Variants in DNAH17 observed in about 807,000 individuals in gnomAD.
The protein encoded by DNAH17 is axonemal beta dynein heavy chain 17.
Under a neutral mutation model 485.6 loss-of-function variants are expected in DNAH17, and 376 were observed. That is an observed-to-expected ratio of 0.77 (90% CI 0.71 to 0.84). The LOEUF (loss-of-function observed/expected upper bound fraction) is 0.84, where lower values mean the gene tolerates loss of function less well. Among genes scored for constraint, DNAH17 ranks in the 40% least tolerant of loss-of-function variants. The pLI, the probability that DNAH17 is intolerant of heterozygous loss-of-function variation, is 0.00. For synonymous variants in DNAH17, 3,031 were observed against 2,405.9 expected (o/e 1.26, Z -7.60); for missense variants, 6,370 against 5,839.3 (o/e 1.09, Z -2.96).
chr17:78,518,108 A>C (rs2090837231), intron 25 of DNAH17, among the ~76,000 whole-genome samples: 1 of 152,196 alleles, frequency 6.6e-6, no homozygotes, highest in African/African-American at 2.4e-5. Flanking sequence ...GGGAACAAAC[A>C]GAAAACAAAA....
chr17:78,439,211 T>A lies in DNAH17; in HGVS notation c.11684A>T (p.Lys3895Ile). 1 of 1,601,958 alleles carries A rather than the reference T, an allele frequency of 6.2e-7. No homozygotes were observed. The highest frequency in any genetic ancestry group is 8.5e-7 in the Non-Finnish European group (1 of 1,176,018). The change falls in exon 73 of 81, where the codon AAA becomes ATA. Residue 3895 changes from lysine (K) to isoleucine (I), a missense_variant. Coordinates refer to ENST00000389840, the MANE Select transcript of DNAH17 (RefSeq NM_173628.4). ...TCCATTGTCTATGGTAAACCCTAGT[T>A]TTTTTCCTAAAGAAAAGAAAAACAG... ...PLKDVEALGK[K>I]LGFTIDNGKL...
intron 40 of DNAH17, among the ~76,000 whole-genome samples, 197 bp downstream of exon 40, chr17:78,494,396 T>G (rs1413702951): frequency 1.3e-5 from 2 of 151,690 alleles, no homozygotes; most frequent in Admixed American, 6.6e-5. Flanking sequence ...CCAGCCTCAG[T>G]TGAGAGAGTG....
chr17:78,488,065 G>A (rs979413653), intron 44 of DNAH17, among the ~76,000 whole-genome samples: 8 of 143,438 alleles, frequency 5.6e-5, no homozygotes, highest in African/African-American at 1.0e-4. Context: ...GCAAATCTAC[G>A]CAGAGGCTGC....
chr17:78,544,631 T>A (rs2091701916), intron 16 of DNAH17, among the ~76,000 whole-genome samples: 3 of 151,846 alleles, frequency 2.0e-5, no homozygotes, highest in Admixed American at 2.0e-4. Context: ...TGAAACCCTG[T>A]CTCTACTAAA....
rs2087060718 is a variant in DNAH17, at chr17:78,441,199, C to T, written c.11529G>A (p.Lys3843=). 6.2e-7 allele frequency: 1 copy of T among 1,613,612 alleles called. No individual in the cohort carries two copies. Among genetic ancestry groups the T allele is most frequent in the African/African-American group, 1.3e-5 (1 of 74,944 alleles). ...LRPDRMTYAI[K]NFVEEKMGSK... ...TGCCCATCTTTTCCTCCACGAAGTTCCTAGGGGTGGAGTGCATCAGAGGCA... is the reference window on the plus strand; with the variant it reads ...TGCCCATCTTTTCCTCCACGAAGTTTCTAGGGGTGGAGTGCATCAGAGGCA... Residue 3843 remains lysine, a splice_region_variant and synonymous_variant, in exon 72 of 81, where the codon AAG becomes AAA. Coordinates refer to ENST00000389840, the MANE Select transcript of DNAH17 (RefSeq NM_173628.4).
chr17:78,430,659 A>G (rs527316859), intron 75 of DNAH17, among the ~76,000 whole-genome samples: 13 of 151,434 alleles, frequency 8.6e-5, no homozygotes, highest in African/African-American at 2.9e-4. Flanking sequence ...CTGCTCACTG[A>G]AACTTCTGCC....
chr17:78,441,268 G>A, intron 71 of DNAH17, 69 bp from the exon 72 acceptor site: 6 of 1,572,626 alleles, frequency 3.8e-6, no homozygotes, highest in Non-Finnish European at 5.2e-6. Flanking sequence ...CTCGGGGTGG[G>A]CTGTGGCCCA....
intron 17 of DNAH17, among the ~76,000 whole-genome samples, chr17:78,543,597 G>A (rs1301226655): frequency 6.6e-6 from 1 of 152,018 alleles, no homozygotes; most frequent in South Asian, 2.1e-4. Context: ...GCCAATTTTT[G>A]TATTTTTAGT....
chr17:78,429,078 A>G, intron 76 of DNAH17, 43 bp downstream of exon 76: 3 of 1,583,214 alleles, frequency 1.9e-6, no homozygotes, highest in African/African-American at 1.3e-5. Flanking sequence ...GGGAGGCACG[A>G]GCCTTCATTA....
rs749045519 is a variant in DNAH17, at chr17:78,460,004, G to A, written c.9436-3C>T. The stretch of plus-strand genomic sequence containing the variant: ...GACTTCAGCTCTGTCAGGTTGTTCT[G>A]CAAATGACAGACGGGATGGGTCCGA... On this transcript the variant is annotated splice_polypyrimidine_tract_variant and splice_region_variant and intron_variant, in intron 59 of 80. Coordinates refer to ENST00000389840, the MANE Select transcript of DNAH17 (RefSeq NM_173628.4). 1.1e-5 allele frequency: 17 copies of A among 1,612,376 alleles called. No individual in the cohort carries two copies. The African/African-American group carries it at 2.0e-4, about 19-fold the overall frequency.
intron 44 of DNAH17, among the ~76,000 whole-genome samples, chr17:78,488,407 G>A (rs1187905625): frequency 1.3e-5 from 2 of 152,128 alleles, no homozygotes; most frequent in Non-Finnish European, 2.9e-5. Context: ...TCCTCCTCCT[G>A]CTTCCTCCAG....
chr17:78,540,563 A>G, intron 17 of DNAH17, among the ~76,000 whole-genome samples: 1 of 100,722 alleles, frequency 9.9e-6, no homozygotes, highest in Non-Finnish European at 2.0e-5. Context: ...GGCCGAGTGG[A>G]TGGATGGGTA....
rs776273069 is a variant in DNAH17, at chr17:78,459,068, A to G, written c.9794T>C (p.Leu3265Pro). ...TGCCAGCTCTGCATTAGCCTCCTCC[A>G]GTGCCTGCCTCTTGGGCGCCACGTC... ...YCDVAPKRQA[L>P]EEANAELAEA... is the part of the protein sequence containing the mutation. The change falls in exon 61 of 81, where the codon CTG becomes CCG. Residue 3265 changes from leucine to proline, a missense_variant. Transcript: ENST00000389840. 1 of 1,614,016 alleles carries G rather than the reference A, an allele frequency of 6.2e-7. No homozygotes were observed. The highest frequency in any genetic ancestry group is 1.1e-5 in the South Asian group (1 of 91,088).
At chr17:78,427,343 G>A (rs2086512214) in intron 77 of DNAH17, among the ~76,000 whole-genome samples, 1 of 152,220 alleles carries the variant, frequency 6.6e-6, no homozygotes, top group African/African-American at 2.4e-5. Context: ...CTGCAGCCGC[G>A]GCCATGAGCG....
intron 54 of DNAH17, chr17:78,472,784 G>A (rs953272512): frequency 6.6e-6 from 3 of 453,848 alleles, no homozygotes; most frequent in Admixed American, 4.7e-5. Context: ...CGTCGCACCT[G>A]CCCACTTTCA....
chr17:78,531,828 A>G lies in DNAH17; in HGVS notation c.3114+654T>C, dbSNP rs73385315. Among the ~76,000 whole-genome samples, 474 of 152,324 alleles carry G rather than the reference A, an allele frequency of 3.1e-3. 4 individuals carry two copies. Among genetic ancestry groups the G allele is most frequent in the African/African-American group, 0.011 (450 of 41,566 alleles). On this transcript the variant is annotated intron_variant, in intron 20 of 80. Coordinates refer to ENST00000389840, the MANE Select transcript of DNAH17 (RefSeq NM_173628.4). The stretch of plus-strand genomic sequence containing the variant: ...ACAATCTATATCTTTTAAGTGGGGA[A>G]TTGAATCCATTTACATTTGAGGTTA...
intron 60 of DNAH17, 131 bp downstream of exon 60, chr17:78,459,653 G>T: frequency 1.0e-6 from 1 of 963,400 alleles, no homozygotes; most frequent in Non-Finnish European, 1.5e-6. Flanking sequence ...GGTGCTGTAT[G>T]GGGAAGGGGC....
intron 19 of DNAH17, among the ~76,000 whole-genome samples, chr17:78,534,514 T>C (rs554771825): frequency 5.6e-4 from 85 of 152,336 alleles, no homozygotes; most frequent in South Asian, 1.4e-3. Context: ...TGGGCTCGCC[T>C]GTGCCTGACA....
intron 54 of DNAH17, among the ~76,000 whole-genome samples, chr17:78,474,255 C>T (rs2088905541): frequency 1.3e-5 from 2 of 152,366 alleles, no homozygotes; most frequent in East Asian, 3.9e-4. Context: ...CTGGCATCGT[C>T]CTGGCCCCAC....
Sources: allele counts gnomAD v4.1 joint callset (sites outside exome capture counted in the v4.1 genomes callset), GRCh38; gene constraint gnomAD v4.1.1; transcripts MANE v1.5; gene names NCBI Gene and HGNC (gene_info 2026-07-23, HGNC 2026-07-21).